RPS6KA5: variants seen among roughly 807,000 people sequenced by gnomAD.
RPS6KA5 encodes ribosomal protein S6 kinase A5.
RPS6KA5 carries 27 observed loss-of-function variants against 85.5 expected under a neutral mutation model. The ratio of observed to expected loss-of-function variants is 0.32; its 90% CI spans 0.23 to 0.44. The LOEUF (loss-of-function observed/expected upper bound fraction) is 0.44. RPS6KA5 is among the 20% of genes least tolerant of loss of function. RPS6KA5 has a pLI of 1.00. For synonymous variants in RPS6KA5, 334 were observed against 348.2 expected (o/e 0.96, Z 0.46); for missense variants, 811 against 980.9 (o/e 0.83, Z 2.31).
chr14:91,011,154 TA>T (rs2041238634), intron 1 of RPS6KA5, among the ~76,000 whole-genome samples: 1 of 151,920 alleles, frequency 6.6e-6, no homozygotes, highest in South Asian at 2.1e-4. Flanking sequence ...CAAAAATGTA[TA>T]AAAGAATGGA....
intron 15 of RPS6KA5, among the ~76,000 whole-genome samples, chr14:90,874,703 T>C (rs1595096458): frequency 6.6e-6 from 1 of 151,900 alleles, no homozygotes; most frequent in Non-Finnish European, 1.5e-5. Flanking sequence ...GCTGCAGGAT[T>C]TGGGGAGAGA....
At chr14:90,990,216 AG>A (rs990199569) in intron 2 of RPS6KA5, among the ~76,000 whole-genome samples, 2 of 152,242 alleles carry the variant, frequency 1.3e-5, no homozygotes, top group Admixed American at 1.3e-4. Context: ...AAATGGGCAA[AG>A]GATATGAATA....
intron 1 of RPS6KA5, among the ~76,000 whole-genome samples, chr14:91,013,041 C>T (rs1398066687): frequency 1.3e-5 from 2 of 152,144 alleles, no homozygotes; most frequent in Non-Finnish European, 2.9e-5. Context: ...GAACATCCAT[C>T]CTCACAGGAC....
chr14:91,024,289 C>T (rs967250652), intron 1 of RPS6KA5, among the ~76,000 whole-genome samples: 12 of 151,584 alleles, frequency 7.9e-5, no homozygotes, highest in Non-Finnish European at 1.6e-4. Context: ...TTTCTTTCTT[C>T]GTTTTTAATA....
At position 90,957,787 on chromosome 14, in the gene RPS6KA5, C is replaced by G. The variant is rs1303639625; in HGVS notation, c.395-10237G>C. ...TTGCTCTAATGGAGCTACTGGCTTCCTCTTAAATTGCTTACCACCAAAATT... is the reference window on the plus strand; with the variant it reads ...TTGCTCTAATGGAGCTACTGGCTTCGTCTTAAATTGCTTACCACCAAAATT... On this transcript the variant is annotated intron_variant, in intron 3 of 16. Transcript: ENST00000614987. 2.0e-5 allele frequency among the ~76,000 whole-genome samples: 3 copies of G among 151,878 alleles called. No homozygotes were observed. In the East Asian group the frequency reaches 5.8e-4, roughly 29 times the overall value.
chr14:90,886,587 G>C (rs139114669), intron 14 of RPS6KA5, among the ~76,000 whole-genome samples: 1 of 152,148 alleles, frequency 6.6e-6, no homozygotes, highest in Admixed American at 6.5e-5. Flanking sequence ...GCAGACCAAG[G>C]AAAGGCTGTG....
At chr14:90,937,711 A>G (rs1308784423) in intron 5 of RPS6KA5, among the ~76,000 whole-genome samples, 3 of 152,078 alleles carry the variant, frequency 2.0e-5, no homozygotes, top group East Asian at 1.9e-4. Flanking sequence ...GAAGCAGATA[A>G]AGAGAGAGAG....
chr14:90,900,716 A>C lies in RPS6KA5; in HGVS notation c.1140T>G (p.Pro380=). 2 of 1,612,694 alleles carry C rather than the reference A, an allele frequency of 1.2e-6. No individual in the cohort carries two copies. Among genetic ancestry groups the C allele is most frequent in the African/African-American group, 1.3e-5 (1 of 75,012 alleles). ...KLFQGYSFVA[P]SILFKRNAAV... is the part of the protein sequence containing the mutation. ...CTGCATTACGCTTGAATAGGATGGA[A>C]GGAGCAACAAAGGAATAGCCCTAAA... is the stretch of plus-strand genomic sequence containing the variant. The change falls in exon 10 of 17, where the codon CCT becomes CCG. Residue 380 remains proline (P), a synonymous_variant. Transcript: ENST00000614987.
At chr14:91,013,908 A>G (rs1257292514) in intron 1 of RPS6KA5, among the ~76,000 whole-genome samples, 1 of 152,218 alleles carries the variant, frequency 6.6e-6, no homozygotes, top group African/African-American at 2.4e-5. Context: ...CTCAATATGT[A>G]TTCACTAATT....
chr14:91,020,484 G>GT (rs1366497074), intron 1 of RPS6KA5, among the ~76,000 whole-genome samples: 2 of 149,216 alleles, frequency 1.3e-5, no homozygotes, highest in Non-Finnish European at 3.0e-5. Context: ...ACAGATTTTG[G>GT]TATCTATAGG....
intron 2 of RPS6KA5, among the ~76,000 whole-genome samples, chr14:90,980,760 T>C (rs768606202): frequency 2.6e-5 from 4 of 152,208 alleles, no homozygotes; most frequent in Admixed American, 6.5e-5. Flanking sequence ...AGAGATTAAA[T>C]AGAAGTCACA....
At position 90,850,480 on chromosome 14, in the gene RPS6KA5, A is replaced by ACC. The variant is rs2031946590; in HGVS notation, c.*21593_*21594insGG. 7.4e-5 allele frequency: 10 copies of ACC among 134,642 alleles called. No individual in the cohort carries two copies. The highest frequency in any genetic ancestry group is 4.9e-5 in the Non-Finnish European group (3 of 60,958). 8.3% of individuals were successfully genotyped at this position (134,642 alleles called of 1,614,324 possible). A position where few individuals can be genotyped will look rare whatever the true frequency, so the allele number is the denominator to read the frequency against. On this transcript the variant is annotated 3_prime_UTR_variant, in exon 17 of 17. Transcript: ENST00000614987. ...AAACCATACAAAAAAAAAAAAAAAA[A>ACC]ACAGAAAATATTACATAACCAGGCC...
chr14:90,960,031 C>T (rs2038716417), intron 3 of RPS6KA5, among the ~76,000 whole-genome samples: 1 of 152,278 alleles, frequency 6.6e-6, no homozygotes, highest in Non-Finnish European at 1.5e-5. Context: ...ACCAGTGCCA[C>T]ACTCCCTCTC....
chr14:91,049,913 T>A (rs1353677038), intron 1 of RPS6KA5, among the ~76,000 whole-genome samples: 2 of 152,242 alleles, frequency 1.3e-5, no homozygotes, highest in Non-Finnish European at 2.9e-5. Flanking sequence ...TTTGTGTATC[T>A]AACCAGAGAA....
intron 1 of RPS6KA5, among the ~76,000 whole-genome samples, chr14:91,053,401 A>C (rs1264865623): frequency 1.3e-5 from 2 of 152,232 alleles, no homozygotes; most frequent in East Asian, 3.8e-4. Context: ...TGGATTGGAA[A>C]GAAAGAAGTA....
At chr14:90,943,251 T>C in intron 4 of RPS6KA5, 66 bp from the exon 5 acceptor site, 1 of 854,426 alleles carries the variant, frequency 1.2e-6, no homozygotes, top group Non-Finnish European at 1.8e-6. Flanking sequence ...GCAGTCTTTC[T>C]CGTCTACCTT....
At position 90,900,819 on chromosome 14, in the gene RPS6KA5, TC is replaced by T. The variant is rs983432125; in HGVS notation, c.1120-84del. 6 of 1,229,254 alleles carry T rather than the reference TC, an allele frequency of 4.9e-6. No individual in the cohort carries two copies. In the African/African-American group the frequency reaches 7.7e-5, roughly 16 times the overall value. The allele number at this position is 1,229,254 out of a possible 1,614,324, so 76.1% of individuals were successfully genotyped here. A position where few individuals can be genotyped will look rare whatever the true frequency, so the allele number is the denominator to read the frequency against. On this transcript the variant is annotated intron_variant, in intron 9 of 16. Transcript: ENST00000614987. ...CAGATTAGATTGTAATGACTTTTTT[TC>T]CTTAGAAAAACACTCAAATATTTGT... is the stretch of plus-strand genomic sequence containing the variant.
chr14:90,947,306 A>G, intron 4 of RPS6KA5, 129 bp downstream of exon 4: 1 of 502,600 alleles, frequency 2.0e-6, no homozygotes. Context: ...AAAATTGGTA[A>G]TGTTCTATAA....
At chr14:90,992,366 T>C (rs1328892920) in intron 2 of RPS6KA5, among the ~76,000 whole-genome samples, 1 of 152,070 alleles carries the variant, frequency 6.6e-6, no homozygotes, top group East Asian at 1.9e-4. Context: ...ACACACAAAA[T>C]GGAAATACAA....
Sources: allele counts gnomAD v4.1 joint callset (sites outside exome capture counted in the v4.1 genomes callset), GRCh38; gene constraint gnomAD v4.1.1; transcripts MANE v1.5; gene names NCBI Gene and HGNC (gene_info 2026-07-23, HGNC 2026-07-21).